Variants in SUGCT observed in about 807,000 individuals in gnomAD.
SUGCT encodes succinyl-CoA:glutarate-CoA transferase, also known as succinyl-CoA:glutarate CoA-transferase.
SUGCT carries 41 observed loss-of-function variants against 55.0 expected under a neutral mutation model. The observed-to-expected ratio is 0.74, with a 90% confidence interval of 0.58 to 0.97. SUGCT has a LOEUF of 0.97. Ranked by LOEUF, SUGCT falls within the 50% of genes least tolerant of loss-of-function variation. The pLI, the probability that SUGCT is intolerant of heterozygous loss-of-function variation, is 0.00. For missense variants in SUGCT, 568 were observed against 547.8 expected, an observed-to-expected ratio of 1.04 and a Z score of -0.37; for synonymous variants, 187 against 200.4, an observed-to-expected ratio of 0.93 and a Z score of 0.56.
chr7:40,462,007 C>T (rs777330536), intron 11 of SUGCT, among the ~76,000 whole-genome samples: 58 of 152,280 alleles, frequency 3.8e-4, no homozygotes, highest in African/African-American at 3.1e-4. Flanking sequence ...TTTGTTTATG[C>T]GCTCAAGAAA....
At chr7:40,973,774 A>G in the SUGCT span, among the ~76,000 whole-genome samples, 10 of 152,164 alleles carry the variant, frequency 6.6e-5, no homozygotes, top group African/African-American at 2.2e-4. Flanking sequence ...CTTTACTTCA[A>G]TCACAAAATC....
At chr7:40,581,089 G>A (rs1227960083) in intron 12 of SUGCT, among the ~76,000 whole-genome samples, 2 of 152,198 alleles carry the variant, frequency 1.3e-5, no homozygotes, top group East Asian at 1.9e-4. Flanking sequence ...AAAAATCCCT[G>A]TTGTGTGCTT....
chr7:40,353,691 T>C (rs1038802075), intron 9 of SUGCT, among the ~76,000 whole-genome samples: 10 of 152,306 alleles, frequency 6.6e-5, no homozygotes, highest in Middle Eastern at 3.4e-3. Context: ...GATATGCAAG[T>C]TGAGATTTTC....
chr7:40,180,474 T>C (rs2150706031), intron 1 of SUGCT, among the ~76,000 whole-genome samples: 1 of 151,930 alleles, frequency 6.6e-6, no homozygotes, highest in East Asian at 1.9e-4. Flanking sequence ...ACAGAATGCC[T>C]ACTGTATGAG....
chr7:40,938,921 T>C, the SUGCT span, among the ~76,000 whole-genome samples: 1 of 152,232 alleles, frequency 6.6e-6, no homozygotes, highest in East Asian at 1.9e-4. Context: ...ACTGATAGGA[T>C]GATGGGCACT....
chr7:40,398,272 A>G (rs1419494519), intron 9 of SUGCT, among the ~76,000 whole-genome samples: 2 of 152,044 alleles, frequency 1.3e-5, no homozygotes, highest in Non-Finnish European at 1.5e-5. Flanking sequence ...TTGTATTTTT[A>G]GTAGAGACGG....
chr7:40,152,503 A>G, intron 1 of SUGCT: 1 of 211,632 alleles, frequency 4.7e-6, no homozygotes. Flanking sequence ...ATCAGCAGAG[A>G]CCATGGCAAG....
At chr7:40,301,164 T>G (rs566246907) in intron 8 of SUGCT, among the ~76,000 whole-genome samples, 4 of 152,216 alleles carry the variant, frequency 2.6e-5, no homozygotes, top group Non-Finnish European at 1.5e-5. Context: ...TCTTTTACAC[T>G]AGACTGTTTT....
intron 6 of SUGCT, among the ~76,000 whole-genome samples, chr7:40,229,078 G>T (rs1044635167): frequency 6.6e-6 from 1 of 152,154 alleles, no homozygotes; most frequent in African/African-American, 2.4e-5. Flanking sequence ...CCCCATCCTG[G>T]AATCAGCCAT....
At chr7:40,312,662 G>A (rs1432641909) in intron 8 of SUGCT, among the ~76,000 whole-genome samples, 4 of 152,184 alleles carry the variant, frequency 2.6e-5, no homozygotes, top group Non-Finnish European at 5.9e-5. Context: ...TAAATTAAGT[G>A]TTGTATTCAT....
chr7:40,272,377 T>G (rs1346085097), intron 7 of SUGCT, among the ~76,000 whole-genome samples: 4 of 149,356 alleles, frequency 2.7e-5, no homozygotes, highest in Non-Finnish European at 4.4e-5. Flanking sequence ...AGGGTCTTAC[T>G]CTGTCACCCA....
intron 13 of SUGCT, among the ~76,000 whole-genome samples, chr7:40,778,347 G>A (rs538419488): frequency 6.1e-4 from 93 of 152,230 alleles, no homozygotes; most frequent in African/African-American, 1.7e-3. Flanking sequence ...ATAACAGTGC[G>A]GTAGCCATTT....
intron 12 of SUGCT, among the ~76,000 whole-genome samples, chr7:40,734,755 G>A (rs1290409369): frequency 1.3e-5 from 2 of 152,042 alleles, no homozygotes; most frequent in Non-Finnish European, 2.9e-5. Context: ...AGACATTTAA[G>A]TGATGAGTTC....
At chr7:40,437,562 C>T (rs1299065612) in intron 9 of SUGCT, among the ~76,000 whole-genome samples, 1 of 152,146 alleles carries the variant, frequency 6.6e-6, no homozygotes, top group Non-Finnish European at 1.5e-5. Context: ...TGGCATTGTT[C>T]CATCCATAGA....
At position 40,240,492 on chromosome 7, in the gene SUGCT, A is replaced by G. The variant is rs531469503; in HGVS notation, c.576+2766A>G. 2.6e-5 allele frequency among the ~76,000 whole-genome samples: 4 copies of G among 152,134 alleles called. No individual in the cohort carries two copies. In the South Asian group the frequency reaches 8.3e-4, roughly 32 times the overall value. The stretch of plus-strand genomic sequence containing the variant: ...GAGCGAAACTCCATCTCCAAAAAAA[A>G]AAAGAAAAGAATCAGAAGAATCAGG... On this transcript the variant is annotated intron_variant, in intron 7 of 13. Transcript: ENST00000335693.
chr7:40,231,152 C>T (rs148562074), intron 6 of SUGCT, among the ~76,000 whole-genome samples: 86 of 152,248 alleles, frequency 5.6e-4, no homozygotes, highest in African/African-American at 2.0e-3. Context: ...ACTCAGTTGC[C>T]AGGAGTCCTC....
At chr7:40,616,654 G>A (rs1446507548) in intron 12 of SUGCT, among the ~76,000 whole-genome samples, 2 of 152,160 alleles carry the variant, frequency 1.3e-5, no homozygotes, top group Admixed American at 6.5e-5. Context: ...GTGGATTGTG[G>A]GACCATGGAA....
intron 13 of SUGCT, among the ~76,000 whole-genome samples, chr7:40,854,128 T>C (rs1441733848): frequency 3.9e-5 from 6 of 152,272 alleles, no homozygotes; most frequent in African/African-American, 1.4e-4. Context: ...GCTACCTATT[T>C]GGATCTTGAT....
At chr7:40,234,028 T>G (rs1304870750) in intron 6 of SUGCT, among the ~76,000 whole-genome samples, 2 of 152,202 alleles carry the variant, frequency 1.3e-5, no homozygotes, top group Non-Finnish European at 2.9e-5. Context: ...AGTTGTAATT[T>G]AAAGTAATTA....
Sources: gnomAD v4.1 joint callset for allele counts (sites outside exome capture counted in the v4.1 genomes callset) on GRCh38, gnomAD v4.1.1 for gene constraint, MANE v1.5 for transcripts, NCBI Gene and HGNC (gene_info 2026-07-23, HGNC 2026-07-21) for gene names.